Variants in CFAP92 observed in about 807,000 individuals in gnomAD.
CFAP92 encodes cilia and flagella associated protein 92 (putative).
A neutral mutation model predicts 106.3 loss-of-function variants in CFAP92; 86 were observed. The ratio of observed to expected loss-of-function variants is 0.81; its 90% CI spans 0.68 to 0.97. The LOEUF (loss-of-function observed/expected upper bound fraction) is 0.97, where lower values mean the gene tolerates loss of function less well. Among genes scored for constraint, CFAP92 ranks in the 50% least tolerant of loss-of-function variants. The pLI is 0.00. For synonymous variants in CFAP92, 477 were observed against 506.4 expected, an observed-to-expected ratio of 0.94 and a Z score of 0.78; for missense variants, 1,204 against 1,283.8, an observed-to-expected ratio of 0.94 and a Z score of 0.95.
At chr3:129,025,324 C>G in the CFAP92 span, among the ~76,000 whole-genome samples, 5 of 152,010 alleles carry the variant, frequency 3.3e-5, no homozygotes, top group Non-Finnish European at 7.4e-5. Flanking sequence ...CGAAGAGTGC[C>G]AGGGAGGCAG....
chr3:128,977,103 A>C, intron 5 of CFAP92, 37 bp from the exon 6 acceptor site: 1 of 1,555,880 alleles, frequency 6.4e-7, no homozygotes. Flanking sequence ...GCTTTTTGTT[A>C]CATGCTAGTT....
chr3:128,972,792 T>C (rs537142895), intron 7 of CFAP92, among the ~76,000 whole-genome samples: 20 of 149,598 alleles, frequency 1.3e-4, no homozygotes, highest in African/African-American at 4.7e-4. Flanking sequence ...GAGGCAGAGG[T>C]AGCAGTGAGC....
At chr3:128,934,405 G>A (rs1213632421) in intron 11 of CFAP92, among the ~76,000 whole-genome samples, 2 of 152,036 alleles carry the variant, frequency 1.3e-5, no homozygotes, top group African/African-American at 2.4e-5. Context: ...TTTTAGTAGA[G>A]ATGGGGTTTC....
intron 10 of CFAP92, among the ~76,000 whole-genome samples, chr3:128,937,369 A>G (rs1939140764): frequency 6.6e-6 from 1 of 150,746 alleles, no homozygotes; most frequent in Admixed American, 6.6e-5. Context: ...TCCCAGTACT[A>G]TGGGAGGCCG....
rs572943928 is a variant in CFAP92 at position 128,942,553 on chromosome 3, A to G, written c.2258+2518T>C. ...CATCCTGTGACTGTCAGGTGTGACC[A>G]GTCCCCTCCCTGAACAAAGACACTC... On this transcript the variant is annotated intron_variant, in intron 10 of 15. Coordinates refer to ENST00000645291, the MANE Select transcript of CFAP92 (RefSeq NM_001394090.1). Among the ~76,000 whole-genome samples the G allele has an allele frequency of 3.9e-5, 6 of 152,348 alleles. No individual in the cohort carries two copies. The East Asian group carries it at 9.6e-4, about 24-fold the overall frequency.
At chr3:128,943,565 C>T (rs561418149) in intron 10 of CFAP92, among the ~76,000 whole-genome samples, 11 of 150,672 alleles carry the variant, frequency 7.3e-5, no homozygotes, top group South Asian at 2.1e-4. Context: ...GACGGAGTTT[C>T]GCTCTTGTTT....
chr3:128,946,476 G>A (rs1192053623), intron 9 of CFAP92, among the ~76,000 whole-genome samples: 3 of 152,212 alleles, frequency 2.0e-5, no homozygotes, highest in Admixed American at 6.5e-5. Context: ...CAGAGAGCAC[G>A]GAGAACAGGG....
At position 128,912,207 on chromosome 3, in the gene CFAP92, T is replaced by G. The variant is rs527765358; in HGVS notation, c.3281-1874A>C. On this transcript the variant is annotated intron_variant, in intron 15 of 15. Coordinates refer to ENST00000645291, the MANE Select transcript of CFAP92 (RefSeq NM_001394090.1). Reference sequence around the variant, plus strand: ...GTGCTGTGGAGGGTGCTGAAATGGTTTCTCCTCCAGTGGGCTGGAATCACA... The same window carrying G: ...GTGCTGTGGAGGGTGCTGAAATGGTGTCTCCTCCAGTGGGCTGGAATCACA... Among the ~76,000 whole-genome samples the G allele has an allele frequency of 1.1e-4, 16 of 152,294 alleles. No homozygotes were observed. The East Asian group carries it at 3.1e-3, about 29-fold the overall frequency.
chr3:128,938,491 C>CTTTT (rs11361650), intron 10 of CFAP92, among the ~76,000 whole-genome samples: 1 of 135,828 alleles, frequency 7.4e-6, no homozygotes, highest in African/African-American at 2.8e-5. Context: ...CTTCACCATT[C>CTTTT]TTTTTTTTTT....
rs753730159 is a variant in CFAP92 at position 128,987,612 on chromosome 3, G to A, written c.667+4C>T. 18 of 1,612,922 alleles carry A rather than the reference G, an allele frequency of 1.1e-5. No individual in the cohort carries two copies. Among genetic ancestry groups the A allele is most frequent in the Non-Finnish European group, 1.4e-5 (17 of 1,179,194 alleles). Reference sequence around the variant, plus strand: ...CAGAACCATTTCAAATAAAACCAGAGCACCTGACTTATGAAAAGCTCCCAC... The same window carrying A: ...CAGAACCATTTCAAATAAAACCAGAACACCTGACTTATGAAAAGCTCCCAC... On this transcript the variant is annotated splice_donor_region_variant and intron_variant, in intron 4 of 15. Coordinates refer to ENST00000645291, the MANE Select transcript of CFAP92 (RefSeq NM_001394090.1).
chr3:129,016,750 G>A, the CFAP92 span, among the ~76,000 whole-genome samples: 1 of 152,098 alleles, frequency 6.6e-6, no homozygotes, highest in African/African-American at 2.4e-5. Context: ...GGGCGGAACT[G>A]ATTAAGGAAC....
chr3:129,004,054 G>A (rs1462026450), upstream of CFAP92: 4 of 1,511,414 alleles, frequency 2.6e-6, no homozygotes, highest in Non-Finnish European at 3.5e-6. Context: ...TGCGGCGGCT[G>A]GAGGCGGAGC....
chr3:128,970,448 G>C (rs1474487540), intron 8 of CFAP92: 1 of 151,952 alleles, frequency 6.6e-6, no homozygotes, highest in Non-Finnish European at 1.5e-5. Context: ...GAGTAGCCAG[G>C]AGAGGGCGCA....
At chr3:128,920,715 G>A (rs536210250) in intron 12 of CFAP92, among the ~76,000 whole-genome samples, 2 of 152,216 alleles carry the variant, frequency 1.3e-5, no homozygotes, top group South Asian at 4.1e-4. Flanking sequence ...TCCAAAGGGT[G>A]GAAGGCTGCC....
intron 9 of CFAP92, among the ~76,000 whole-genome samples, chr3:128,949,126 G>A (rs1940544935): frequency 6.6e-6 from 1 of 152,206 alleles, no homozygotes; most frequent in Non-Finnish European, 1.5e-5. Flanking sequence ...AATGCAGAGT[G>A]ATCAGCCGCA....
Position 128,910,066 on chromosome 3 carries a change from C to A in CFAP92, c.*233G>T. The A allele has an allele frequency of 6.2e-7, 1 of 1,614,034 alleles. No individual in the cohort carries two copies. Among genetic ancestry groups the A allele is most frequent in the South Asian group, 1.1e-5 (1 of 91,004 alleles). On this transcript the variant is annotated 3_prime_UTR_variant, in exon 16 of 16. Transcript: ENST00000645291. ...GGTACTGAAGCGGGTGGCCAACATC[C>A]TCATCAACCTGTATGGCATGACGGC...
intron 12 of CFAP92, among the ~76,000 whole-genome samples, chr3:128,931,248 G>A (rs150758421): frequency 2.1e-3 from 313 of 152,102 alleles, no homozygotes; most frequent in African/African-American, 7.0e-3. Flanking sequence ...ATGTAATGGC[G>A]TGATCTCAGC....
At chr3:128,910,854 T>C in intron 15 of CFAP92, 1 of 1,600,194 alleles carries the variant, frequency 6.2e-7, no homozygotes, top group South Asian at 1.1e-5. Context: ...AGGGCCCACT[T>C]CTAGGCCCCT....
chr3:129,000,895 G>T (rs1944696810), intron 1 of CFAP92, among the ~76,000 whole-genome samples: 1 of 152,202 alleles, frequency 6.6e-6, no homozygotes, highest in Non-Finnish European at 1.5e-5. Flanking sequence ...CCAGCGGGGT[G>T]CCCCTAACCT....
Sources: allele counts gnomAD v4.1 joint callset (sites outside exome capture counted in the v4.1 genomes callset), GRCh38; gene constraint gnomAD v4.1.1; transcripts MANE v1.5; gene names NCBI Gene and HGNC (gene_info 2026-07-23, HGNC 2026-07-21).